The following WNT7A variants were observed in gnomAD, a reference collection of about 807,000 sequenced individuals.
WNT7A encodes Wnt family member 7A.
A neutral mutation model predicts 28.2 loss-of-function variants in WNT7A; 16 were observed. That is an observed-to-expected ratio of 0.57 (90% CI 0.38 to 0.86). The LOEUF (loss-of-function observed/expected upper bound fraction) is 0.86. Ranked by LOEUF, WNT7A falls within the 40% of genes least tolerant of loss-of-function variation. The pLI is 0.00. For synonymous variants in WNT7A, 190 were observed against 195.9 expected (o/e 0.97, Z 0.25); for missense variants, 411 against 489.7 (o/e 0.84, Z 1.52).
intron 2 of WNT7A, among the ~76,000 whole-genome samples, chr3:13,857,787 G>A (rs2124863577): frequency 6.6e-6 from 1 of 152,320 alleles, no homozygotes; most frequent in African/African-American, 2.4e-5. Context: ...AGGACAATCA[G>A]ATGGAGGGCA....
chr3:13,823,627 G>T (rs998121476), intron 3 of WNT7A, among the ~76,000 whole-genome samples: 1 of 152,242 alleles, frequency 6.6e-6, no homozygotes, highest in Non-Finnish European at 1.5e-5. Context: ...ATTAGTGGCT[G>T]CACCACTGGG....
chr3:13,864,698 C>G (rs1189292986), intron 2 of WNT7A, among the ~76,000 whole-genome samples: 4 of 152,178 alleles, frequency 2.6e-5, no homozygotes, highest in Non-Finnish European at 4.4e-5. Context: ...GTGGGGGAGT[C>G]TTATCCCATG....
intron 2 of WNT7A, among the ~76,000 whole-genome samples, chr3:13,871,269 A>C (rs1000883491): frequency 6.6e-6 from 1 of 152,340 alleles, no homozygotes. Flanking sequence ...CCTGCAAGAC[A>C]GCCCTTGTTA....
At chr3:13,859,847 A>G (rs544287050) in intron 2 of WNT7A, among the ~76,000 whole-genome samples, 2 of 152,358 alleles carry the variant, frequency 1.3e-5, no homozygotes, top group South Asian at 4.1e-4. Context: ...TTAGAAGAGA[A>G]TGCCCATCTA....
At chr3:13,838,155 G>A (rs531696436) in intron 3 of WNT7A, among the ~76,000 whole-genome samples, 10 of 152,292 alleles carry the variant, frequency 6.6e-5, no homozygotes, top group African/African-American at 2.4e-4. Flanking sequence ...AGAGCAGGTG[G>A]GGGGCATGGT....
chr3:13,850,932 T>C (rs569814446), intron 3 of WNT7A, among the ~76,000 whole-genome samples: 10 of 152,070 alleles, frequency 6.6e-5, no homozygotes, highest in Non-Finnish European at 1.0e-4. Context: ...TCCCTTCCCA[T>C]AGCCCTCCCG....
chr3:13,880,043 G>A lies in WNT7A; in HGVS notation c.-227C>T. 2.8e-6 allele frequency: 1 copy of A among 353,664 alleles called. No individual in the cohort carries two copies. The highest frequency in any genetic ancestry group is 5.1e-6 in the Non-Finnish European group (1 of 197,910). 21.9% of individuals were successfully genotyped at this position (353,664 alleles called of 1,614,324 possible). On this transcript the variant is annotated 5_prime_UTR_variant, in exon 1 of 4. Coordinates refer to ENST00000285018, the MANE Select transcript of WNT7A (RefSeq NM_004625.4). ...GCGAGCGCGGCGTGGGGCGACGCCG[G>A]GCTGCGCGCGAGCGACCGGTGCAAG...
At chr3:13,825,438 G>A (rs1462566049) in intron 3 of WNT7A, among the ~76,000 whole-genome samples, 20 of 152,186 alleles carry the variant, frequency 1.3e-4, no homozygotes, top group Admixed American at 1.3e-3. Flanking sequence ...ACATGTAGTG[G>A]TATGTTGCTC....
At chr3:13,863,845 T>C (rs1694870734) in intron 2 of WNT7A, 1 of 151,766 alleles carries the variant, frequency 6.6e-6, no homozygotes, top group African/African-American at 2.4e-5. Flanking sequence ...AATGATGGAG[T>C]CCTTTTTGCA....
At position 13,863,147 on chromosome 3, in the gene WNT7A, G is replaced by A. The variant is rs117647161; in HGVS notation, c.299-8344C>T. On this transcript the variant is annotated intron_variant, in intron 2 of 3. Coordinates refer to ENST00000285018, the MANE Select transcript of WNT7A (RefSeq NM_004625.4). ...CTCAGCCCGCACTTGGTAAGGGATC[G>A]ATAAACAGTAGCTCTTACTAGATGC... 3.3e-5 allele frequency among the ~76,000 whole-genome samples: 5 copies of A among 152,278 alleles called. No individual in the cohort carries two copies. In the East Asian group the frequency reaches 7.7e-4, roughly 23 times the overall value.
At chr3:13,862,822 A>C (rs1275302054) in intron 2 of WNT7A, among the ~76,000 whole-genome samples, 2 of 152,272 alleles carry the variant, frequency 1.3e-5, no homozygotes, top group African/African-American at 4.8e-5. Flanking sequence ...GCCAATGGTC[A>C]GCATCTACTC....
chr3:13,825,137 G>A (rs1239077055), intron 3 of WNT7A, among the ~76,000 whole-genome samples: 3 of 152,346 alleles, frequency 2.0e-5, no homozygotes, highest in East Asian at 1.9e-4. Flanking sequence ...ATTGGTAAGA[G>A]CAGCTGTCTC....
Position 13,855,899 on chromosome 3 carries a change from C to T in WNT7A, c.299-1096G>A, listed in dbSNP as rs192163055. 2.4e-3 allele frequency among the ~76,000 whole-genome samples: 360 copies of T among 152,250 alleles called. 1 individual carries two copies. The highest frequency in any genetic ancestry group is 8.2e-3 in the African/African-American group (341 of 41,536). Reference sequence around the variant, plus strand: ...TTTCAGAATGCCAGGATGGAGACGGCTTAAGCAGCAAGTGAGGAGGCAGAT... The same window carrying T: ...TTTCAGAATGCCAGGATGGAGACGGTTTAAGCAGCAAGTGAGGAGGCAGAT... On this transcript the variant is annotated intron_variant, in intron 2 of 3. Coordinates refer to ENST00000285018, the MANE Select transcript of WNT7A (RefSeq NM_004625.4).
chr3:13,872,425 A>C (rs1695040265), intron 2 of WNT7A, among the ~76,000 whole-genome samples: 1 of 152,154 alleles, frequency 6.6e-6, no homozygotes. Context: ...ATCCTCTGGC[A>C]GTCACTCCCA....
rs574111630 is a variant in WNT7A at position 13,841,473 on chromosome 3, C to T, written c.570+13059G>A. The stretch of plus-strand genomic sequence containing the variant: ...TATGACTTTGGGCGAGTCGCTGAAC[C>T]GCTCTGTGCCTCAGTTTCCTCATTT... On this transcript the variant is annotated intron_variant, in intron 3 of 3. Transcript: ENST00000285018. Among the ~76,000 whole-genome samples the T allele has an allele frequency of 7.2e-5, 11 of 152,310 alleles. 1 individual carries two copies. The East Asian group carries it at 9.7e-4, about 13-fold the overall frequency.
At chr3:13,838,528 A>G (rs1694405348) in intron 3 of WNT7A, among the ~76,000 whole-genome samples, 1 of 152,160 alleles carries the variant, frequency 6.6e-6, no homozygotes. Context: ...AGAAAATCAG[A>G]GATTATGAAC....
intron 2 of WNT7A, among the ~76,000 whole-genome samples, chr3:13,856,965 GAAGGAGA>G (rs1694753589): frequency 1.6e-5 from 2 of 122,628 alleles, no homozygotes; most frequent in South Asian, 2.7e-4. Flanking sequence ...AGAAGAAGAA[GAAGGAGA>G]AGAAGAAGAA....
At chr3:13,838,887 G>A (rs1350598972) in intron 3 of WNT7A, among the ~76,000 whole-genome samples, 1 of 152,186 alleles carries the variant, frequency 6.6e-6, no homozygotes, top group Non-Finnish European at 1.5e-5. Flanking sequence ...CTTGAACTGT[G>A]GCTAGTCTGA....
intron 3 of WNT7A, among the ~76,000 whole-genome samples, chr3:13,832,269 T>TG: frequency 6.7e-6 from 1 of 149,924 alleles, no homozygotes; most frequent in Non-Finnish European, 1.5e-5. Flanking sequence ...CCCATCCTCC[T>TG]GCTCCTCCTC....
Sources: gnomAD v4.1 joint callset for allele counts (sites outside exome capture counted in the v4.1 genomes callset) on GRCh38, gnomAD v4.1.1 for gene constraint, MANE v1.5 for transcripts, NCBI Gene and HGNC (gene_info 2026-07-23, HGNC 2026-07-21) for gene names.